The following COP1 variants were observed in gnomAD, a reference collection of about 807,000 sequenced individuals.
COP1 encodes COP1 E3 ubiquitin ligase, also known as E3 ubiquitin-protein ligase COP1.
Under a neutral mutation model 101.3 loss-of-function variants are expected in COP1, and 24 were observed. That is an observed-to-expected ratio of 0.24 (90% CI 0.17 to 0.33). The LOEUF (loss-of-function observed/expected upper bound fraction) is 0.33, where lower values mean the gene tolerates loss of function less well. COP1 is among the 10% of genes least tolerant of loss of function. The probability of loss-of-function intolerance (pLI) is 1.00; values close to 1 mark genes in which losing one functional copy is unlikely to be tolerated. For synonymous variants in COP1, 347 were observed against 341.9 expected (o/e 1.01, Z -0.17); for missense variants, 663 against 906.2 (o/e 0.73, Z 3.45).
intron 15 of COP1, among the ~76,000 whole-genome samples, chr1:176,019,576 C>A (rs144220970): frequency 6.6e-6 from 1 of 150,972 alleles, no homozygotes; most frequent in East Asian, 1.9e-4. Context: ...ACATCACTAA[C>A]AGGGCCTGGC....
rs184823855 is a variant in COP1, at chr1:176,074,337, G to C, written c.1277+6815C>G. On this transcript the variant is annotated intron_variant, in intron 11 of 19. Coordinates refer to ENST00000367669, the MANE Select transcript of COP1 (RefSeq NM_022457.7). Reference sequence around the variant, plus strand: ...GATGTGTTTGAATATAAGAAAGTAAGAAAAGCAAAAAATCAACAGAGCTGT... The same window carrying C: ...GATGTGTTTGAATATAAGAAAGTAACAAAAGCAAAAAATCAACAGAGCTGT... 2.2e-3 allele frequency among the ~76,000 whole-genome samples: 338 copies of C among 152,190 alleles called. 3 individuals are homozygous for C. Among genetic ancestry groups the C allele is most frequent in the African/African-American group, 7.5e-3 (312 of 41,542 alleles).
At position 176,089,930 on chromosome 1, in the gene COP1, A is replaced by G. The variant is rs369814625; in HGVS notation, c.1027-4040T>C. Among the ~76,000 whole-genome samples, 256 of 152,336 alleles carry G rather than the reference A, an allele frequency of 1.7e-3. No individual in the cohort carries two copies. The Middle Eastern group carries it at 0.017, about 10-fold the overall frequency. ...AGGAAAATTTTGCATCTGTATTAAC[A>G]TAACTACACCCTTCCCCTTCCAGGC... On this transcript the variant is annotated intron_variant, in intron 9 of 19. Coordinates refer to ENST00000367669, the MANE Select transcript of COP1 (RefSeq NM_022457.7).
At chr1:176,138,696 A>C (rs1257974854) in intron 6 of COP1, among the ~76,000 whole-genome samples, 4 of 152,074 alleles carry the variant, frequency 2.6e-5, no homozygotes, top group African/African-American at 4.8e-5. Flanking sequence ...TCCACCCTAA[A>C]ATTAGTTTTC....
chr1:176,154,274 A>T (rs975785317), intron 5 of COP1, among the ~76,000 whole-genome samples: 1 of 152,186 alleles, frequency 6.6e-6, no homozygotes, highest in Non-Finnish European at 1.5e-5. Context: ...CAGTCTTGAA[A>T]GGGTGTATGT....
intron 18 of COP1, among the ~76,000 whole-genome samples, chr1:175,957,441 G>T (rs1033146271): frequency 2.0e-5 from 3 of 152,166 alleles, no homozygotes; most frequent in Non-Finnish European, 4.4e-5. Context: ...TGTAGCCTAG[G>T]AGCAACAGGC....
chr1:176,205,349 G>C (rs1700720230), intron 1 of COP1, among the ~76,000 whole-genome samples: 4 of 152,204 alleles, frequency 2.6e-5, no homozygotes, highest in African/African-American at 9.6e-5. Context: ...AAAGAATAAC[G>C]TACAAAAAAG....
At chr1:176,030,488 G>GA (rs1162513407) in intron 14 of COP1, among the ~76,000 whole-genome samples, 1 of 151,996 alleles carries the variant, frequency 6.6e-6, no homozygotes, top group Admixed American at 6.6e-5. Context: ...ATATAAGTGA[G>GA]AAAAAAACAG....
Position 175,944,850 on chromosome 1 carries a change from ATTGTT to A in COP1, c.*298_*302del, listed in dbSNP as rs1175450907. ...CTCAACTGTGGCTCAATAAACTTTT[ATTGTT>A]TTGTTATTTATTTTTATTCAAAAGA... On this transcript the variant is annotated 3_prime_UTR_variant, in exon 20 of 20. Transcript: ENST00000367669. 1.1e-5 allele frequency: 4 copies of A among 360,834 alleles called. No individual in the cohort carries two copies. The highest frequency in any genetic ancestry group is 6.4e-5 in the South Asian group (1 of 15,588). The allele number at this position is 360,834 out of a possible 1,614,324, so 22.4% of individuals were successfully genotyped here.
chr1:176,178,338 C>CAA (rs11409695), intron 2 of COP1, among the ~76,000 whole-genome samples: 37 of 111,538 alleles, frequency 3.3e-4, no homozygotes, highest in African/African-American at 8.3e-4. Flanking sequence ...TCTGTCTCTA[C>CAA]AAAAAAAAAA....
At chr1:176,006,655 T>G (rs1663312099) in intron 15 of COP1, among the ~76,000 whole-genome samples, 1 of 152,208 alleles carries the variant, frequency 6.6e-6, no homozygotes, top group Admixed American at 6.5e-5. Flanking sequence ...ATTCTTTTCT[T>G]TAAGAATGTT....
At chr1:175,970,665 T>G (rs574352546) in intron 18 of COP1, among the ~76,000 whole-genome samples, 1 of 152,312 alleles carries the variant, frequency 6.6e-6, no homozygotes, top group East Asian at 1.9e-4. Context: ...CTTTTTCCTA[T>G]AATTTTCTTA....
intron 18 of COP1, among the ~76,000 whole-genome samples, chr1:175,961,313 C>T (rs1651312307): frequency 6.6e-6 from 1 of 152,144 alleles, no homozygotes; most frequent in Non-Finnish European, 1.5e-5. Flanking sequence ...CAAATTGATT[C>T]ACAGAGAGAA....
intron 2 of COP1, among the ~76,000 whole-genome samples, chr1:176,177,710 C>T (rs1208705359): frequency 6.6e-6 from 1 of 152,072 alleles, no homozygotes; most frequent in East Asian, 1.9e-4. Context: ...TATAAATTTA[C>T]TTGAGCTTTG....
intron 11 of COP1, among the ~76,000 whole-genome samples, chr1:176,060,522 G>T (rs1219092229): frequency 6.6e-6 from 1 of 152,084 alleles, no homozygotes; most frequent in Non-Finnish European, 1.5e-5. Context: ...ACTCAACAGA[G>T]AATCATATGA....
At chr1:175,967,810 C>T (rs568883331) in intron 18 of COP1, among the ~76,000 whole-genome samples, 16 of 152,248 alleles carry the variant, frequency 1.1e-4, no homozygotes, top group African/African-American at 3.9e-4. Context: ...AAGTATTGAC[C>T]TTCACTGGTA....
intron 13 of COP1, among the ~76,000 whole-genome samples, 156 bp from the exon 14 acceptor site, chr1:176,043,423 A>C (rs189330032): frequency 1.7e-3 from 258 of 152,318 alleles, no homozygotes; most frequent in South Asian, 8.3e-3. Flanking sequence ...ATGTTGATAT[A>C]AAGTACTTCC....
chr1:176,122,785 AG>A (rs1318432028), intron 8 of COP1, among the ~76,000 whole-genome samples: 2 of 152,206 alleles, frequency 1.3e-5, no homozygotes, highest in Admixed American at 1.3e-4. Flanking sequence ...CTCATTTGAA[AG>A]TTTTTTTTGT....
chr1:176,202,859 G>C (rs868142598), intron 1 of COP1, among the ~76,000 whole-genome samples: 4 of 151,978 alleles, frequency 2.6e-5, no homozygotes, highest in Admixed American at 2.6e-4. Flanking sequence ...GACACTAAGA[G>C]AGGCAATGAT....
At chr1:176,010,440 C>G (rs1043614893) in intron 15 of COP1, among the ~76,000 whole-genome samples, 5 of 152,040 alleles carry the variant, frequency 3.3e-5, no homozygotes, top group African/African-American at 4.8e-5. Flanking sequence ...ATGTCTCTGG[C>G]CTATTATATA....
Sources: gnomAD v4.1 joint callset for allele counts (sites outside exome capture counted in the v4.1 genomes callset) on GRCh38, gnomAD v4.1.1 for gene constraint, MANE v1.5 for transcripts, NCBI Gene and HGNC (gene_info 2026-07-23, HGNC 2026-07-21) for gene names.